Variants in GALNT17 observed in about 807,000 individuals in gnomAD.
GALNT17 encodes UDP-GalNAc:polypeptide N-acetylgalactosaminyltransferase-like 3.
A neutral mutation model predicts 63.7 loss-of-function variants in GALNT17; 29 were observed. The ratio of observed to expected loss-of-function variants is 0.46; its 90% CI spans 0.34 to 0.62. GALNT17 has a LOEUF of 0.62. Ranked by LOEUF, GALNT17 falls within the 20% of genes least tolerant of loss-of-function variation. The probability of loss-of-function intolerance (pLI) is 0.01; values close to 1 mark genes in which losing one functional copy is unlikely to be tolerated. For missense variants in GALNT17, 603 were observed against 799.6 expected (o/e 0.75, Z 2.97); for synonymous variants, 305 against 318.3 (o/e 0.96, Z 0.45).
intron 1 of GALNT17, among the ~76,000 whole-genome samples, chr7:71,310,602 A>G (rs763051230): frequency 4.6e-5 from 7 of 152,230 alleles, no homozygotes; most frequent in Middle Eastern, 3.2e-3. Context: ...CAGCAGTGCA[A>G]CATATATGTT....
At chr7:71,708,049 A>G (rs1311445742) in intron 9 of GALNT17, among the ~76,000 whole-genome samples, 1 of 152,228 alleles carries the variant, frequency 6.6e-6, no homozygotes, top group East Asian at 1.9e-4. Context: ...AGCAAGTACT[A>G]GGATTATGTT....
Position 71,212,597 on chromosome 7 carries a change from G to A in GALNT17, c.238+79557G>A, listed in dbSNP as rs1240989071. On this transcript the variant is annotated intron_variant, in intron 1 of 10. Coordinates refer to ENST00000333538, the MANE Select transcript of GALNT17 (RefSeq NM_022479.3). ...CCTGGAAGAGCCACAGACACTCAACGCTAGCTTGTGAAAGCAGCCAGGAGG... is the reference window on the plus strand; with the variant it reads ...CCTGGAAGAGCCACAGACACTCAACACTAGCTTGTGAAAGCAGCCAGGAGG... 3.3e-5 allele frequency among the ~76,000 whole-genome samples: 5 copies of A among 152,104 alleles called. No homozygotes were observed. In the South Asian group the frequency reaches 6.2e-4, roughly 19 times the overall value.
chr7:71,185,004 T>TTCCC (rs1369814775), intron 1 of GALNT17, among the ~76,000 whole-genome samples: 3 of 122,914 alleles, frequency 2.4e-5, no homozygotes, highest in Non-Finnish European at 4.9e-5. Context: ...TCCTTCTTCC[T>TTCCC]TCCCTCCCTC....
rs1197238638 is a variant in GALNT17, at chr7:71,461,039, C to G, written c.962+39934C>G. Among the ~76,000 whole-genome samples the G allele has an allele frequency of 2.0e-5, 3 of 152,246 alleles. No individual in the cohort carries two copies. The East Asian group carries it at 5.8e-4, about 29-fold the overall frequency. ...CCAGTAGGTCTCAGCCTTATTTTAC[C>G]AAGCCCTTATTCAAGATGGAGCCGC... On this transcript the variant is annotated intron_variant, in intron 5 of 10. Coordinates refer to ENST00000333538, the MANE Select transcript of GALNT17 (RefSeq NM_022479.3).
rs374557191 is a variant in GALNT17, at chr7:71,592,496, A to AAAAATAAAATAAAAT, written c.1080+21131_1080+21145dup. On this transcript the variant is annotated intron_variant, in intron 6 of 10. Transcript: ENST00000333538. ...GGTGACAAGAGCGAAACTCCATTTC[A>AAAAATAAAATAAAAT]AAAATAAAATAAAATAAAATAAAAT... 7.4e-3 allele frequency among the ~76,000 whole-genome samples: 677 copies of AAAAATAAAATAAAAT among 90,914 alleles called. 11 individuals are homozygous for AAAAATAAAATAAAAT. The highest frequency in any genetic ancestry group is 0.026 in the African/African-American group (617 of 23,418). The allele number at this position is 90,914 out of a possible 152,430, so 59.6% of individuals were successfully genotyped here. A position where few individuals can be genotyped will look rare whatever the true frequency, so the allele number is the denominator to read the frequency against.
At chr7:71,604,203 G>A (rs546478553) in intron 6 of GALNT17, among the ~76,000 whole-genome samples, 2 of 119,932 alleles carry the variant, frequency 1.7e-5, no homozygotes, top group South Asian at 2.8e-4. Context: ...TAGTGCATAT[G>A]CCAGGTACTA....
At chr7:71,429,687 C>T (rs1367645553) in intron 5 of GALNT17, among the ~76,000 whole-genome samples, 2 of 152,194 alleles carry the variant, frequency 1.3e-5, no homozygotes, top group Non-Finnish European at 2.9e-5. Flanking sequence ...GGACCACAGG[C>T]ATGTGCCACC....
intron 1 of GALNT17, among the ~76,000 whole-genome samples, chr7:71,194,075 T>G (rs1456266623): frequency 6.6e-6 from 1 of 152,160 alleles, no homozygotes. Flanking sequence ...AGACAGGGTC[T>G]TGTTCTGTCA....
At chr7:71,655,073 G>A (rs545980518) in intron 6 of GALNT17, among the ~76,000 whole-genome samples, 5 of 152,202 alleles carry the variant, frequency 3.3e-5, no homozygotes, top group Middle Eastern at 3.4e-3. Context: ...AATTACAGGC[G>A]TGAGACACCA....
At chr7:71,493,643 A>G (rs1197888804) in intron 5 of GALNT17, among the ~76,000 whole-genome samples, 1 of 152,154 alleles carries the variant, frequency 6.6e-6, no homozygotes, top group Non-Finnish European at 1.5e-5. Context: ...CCTATGATCC[A>G]ATGATCTCCC....
At chr7:71,229,089 G>A (rs1015068908) in intron 1 of GALNT17, among the ~76,000 whole-genome samples, 7 of 152,204 alleles carry the variant, frequency 4.6e-5, no homozygotes, top group African/African-American at 1.4e-4. Context: ...AGCAGTATGC[G>A]GAAAGAGTCC....
chr7:71,193,170 C>T (rs1035169655), intron 1 of GALNT17, among the ~76,000 whole-genome samples: 2 of 151,910 alleles, frequency 1.3e-5, no homozygotes, highest in Non-Finnish European at 2.9e-5. Flanking sequence ...GCCATCATTG[C>T]TCACTGCAGC....
At chr7:71,151,285 A>G (rs1013967368) in intron 1 of GALNT17, among the ~76,000 whole-genome samples, 1 of 152,120 alleles carries the variant, frequency 6.6e-6, no homozygotes, top group Non-Finnish European at 1.5e-5. Context: ...GATGCCACCT[A>G]TTTCTAGGTC....
intron 5 of GALNT17, among the ~76,000 whole-genome samples, chr7:71,564,278 C>T (rs371570856): frequency 1.8e-4 from 18 of 98,008 alleles, no homozygotes; most frequent in East Asian, 1.0e-3. Context: ...CTTTTCTTTT[C>T]TTTTTTTTTT....
chr7:71,445,182 T>TC (rs745593627), intron 5 of GALNT17, among the ~76,000 whole-genome samples: 2 of 146,746 alleles, frequency 1.4e-5, no homozygotes, highest in African/African-American at 2.5e-5. Flanking sequence ...TTTCTTTCTT[T>TC]TTTTTTTTTT....
At chr7:71,408,144 G>C (rs190532376) in intron 3 of GALNT17, among the ~76,000 whole-genome samples, 175 of 152,310 alleles carry the variant, frequency 1.1e-3, no homozygotes, top group Non-Finnish European at 2.2e-3. Context: ...GTGCTGGCCA[G>C]TTCCACTAAG....
In GALNT17 at chr7:71,538,539, A is replaced by G. The variant is rs192727136; in HGVS notation, c.963-32746A>G. Among the ~76,000 whole-genome samples the G allele has an allele frequency of 9.4e-4, 143 of 152,330 alleles. 1 individual carries two copies. Among genetic ancestry groups the G allele is most frequent in the Non-Finnish European group, 1.6e-4 (11 of 68,032 alleles). On this transcript the variant is annotated intron_variant, in intron 5 of 10. Coordinates refer to ENST00000333538, the MANE Select transcript of GALNT17 (RefSeq NM_022479.3). ...TAATAAAATTGATTTAAAAGCTTTT[A>G]AACTTGAGAGTGAGAGTTCAGTGCC...
intron 1 of GALNT17, among the ~76,000 whole-genome samples, chr7:71,295,560 T>C (rs1791063566): frequency 6.6e-6 from 1 of 151,530 alleles, no homozygotes; most frequent in South Asian, 2.1e-4. Context: ...CCCTCCTTCC[T>C]TTTTCCTTTC....
intron 5 of GALNT17, among the ~76,000 whole-genome samples, chr7:71,473,622 G>A (rs922326761): frequency 6.6e-6 from 1 of 152,008 alleles, no homozygotes; most frequent in African/African-American, 2.4e-5. Context: ...GCATAATGAG[G>A]CTTGTCCATC....
Sources: gnomAD v4.1 joint callset for allele counts (sites outside exome capture counted in the v4.1 genomes callset) on GRCh38, gnomAD v4.1.1 for gene constraint, MANE v1.5 for transcripts, NCBI Gene and HGNC (gene_info 2026-07-23, HGNC 2026-07-21) for gene names.